The following R3HCC1L variants were observed in gnomAD, a reference collection of about 807,000 sequenced individuals.
R3HCC1L encodes coiled-coil domain-containing protein R3HCC1L.
A neutral mutation model predicts 59.9 loss-of-function variants in R3HCC1L; 51 were observed. That is an observed-to-expected ratio of 0.85 (90% CI 0.68 to 1.07). The LOEUF (loss-of-function observed/expected upper bound fraction) is 1.07, where lower values mean the gene tolerates loss of function less well. Ranked by LOEUF, R3HCC1L falls within the 50% of genes least tolerant of loss-of-function variation. The pLI is 0.00. For missense variants in R3HCC1L, 965 were observed against 933.0 expected (o/e 1.03, Z -0.45); for synonymous variants, 322 against 315.2 (o/e 1.02, Z -0.23).
chr10:98,244,365 G>C lies in R3HCC1L; in HGVS notation c.*207G>C, dbSNP rs1164564242. 11 of 478,210 alleles carry C rather than the reference G, an allele frequency of 2.3e-5. No individual in the cohort carries two copies. The highest frequency in any genetic ancestry group is 5.5e-4 in the Middle Eastern group (1 of 1,816). 29.6% of individuals were successfully genotyped at this position (478,210 alleles called of 1,614,324 possible). A position where few individuals can be genotyped will look rare whatever the true frequency, so the allele number is the denominator to read the frequency against. ...AGTTCTTTGGAATCACCCTACTGTGGTGGGCGTAGTAGGGAGCCATCAGCT... is the reference window on the plus strand; with the variant it reads ...AGTTCTTTGGAATCACCCTACTGTGCTGGGCGTAGTAGGGAGCCATCAGCT... On this transcript the variant is annotated 3_prime_UTR_variant, in exon 10 of 10. Coordinates refer to ENST00000298999, the MANE Select transcript of R3HCC1L (RefSeq NM_001351015.2).
chr10:98,157,194 G>A (rs1846965275), intron 2 of R3HCC1L, among the ~76,000 whole-genome samples: 2 of 152,232 alleles, frequency 1.3e-5, no homozygotes, highest in African/African-American at 4.8e-5. Context: ...TTTGTCCCCA[G>A]TGTTCTGAAG....
intron 9 of R3HCC1L, among the ~76,000 whole-genome samples, chr10:98,243,800 G>A (rs912898475): frequency 1.3e-5 from 2 of 152,184 alleles, no homozygotes; most frequent in African/African-American, 2.4e-5. Flanking sequence ...ATTTAAATAT[G>A]TATTAGCAAG....
chr10:98,163,951 A>G (rs1436755820), intron 4 of R3HCC1L, among the ~76,000 whole-genome samples: 2 of 152,154 alleles, frequency 1.3e-5, no homozygotes, highest in Non-Finnish European at 2.9e-5. Context: ...TTTTTTTTTC[A>G]AGGAAGATTT....
intron 5 of R3HCC1L, among the ~76,000 whole-genome samples, chr10:98,230,147 G>C (rs1460905426): frequency 1.3e-5 from 2 of 152,198 alleles, no homozygotes; most frequent in African/African-American, 4.8e-5. Context: ...AATAGTTTCA[G>C]AAGGAATGGT....
chr10:98,204,098 A>C (rs1020879574), intron 4 of R3HCC1L, among the ~76,000 whole-genome samples: 2 of 152,224 alleles, frequency 1.3e-5, no homozygotes, highest in African/African-American at 4.8e-5. Flanking sequence ...CGAAAAAGTT[A>C]AAACTGTGTT....
chr10:98,162,672 T>TTG (rs138697556), intron 2 of R3HCC1L, among the ~76,000 whole-genome samples: 9,076 of 148,070 alleles, frequency 0.061, 808 homozygotes, highest in African/African-American at 0.2. Flanking sequence ...GTGTGTGTGT[T>TTG]TGTGTGTGTG....
chr10:98,231,326 T>G (rs1856359347), intron 5 of R3HCC1L, among the ~76,000 whole-genome samples, 186 bp from the exon 6 acceptor site: 2 of 152,190 alleles, frequency 1.3e-5, no homozygotes, highest in African/African-American at 4.8e-5. Context: ...ATATGTATAG[T>G]ATAAACTGGG....
At chr10:98,221,629 A>G (rs1489708793) in intron 5 of R3HCC1L, among the ~76,000 whole-genome samples, 1 of 151,662 alleles carries the variant, frequency 6.6e-6, no homozygotes, top group Non-Finnish European at 1.5e-5. Context: ...CATTTATTAA[A>G]TAGGGAATCC....
chr10:98,231,532 C>CAG lies in R3HCC1L; in HGVS notation c.1813_1814dup (p.Ser605ArgfsTer66). On this transcript the variant is annotated frameshift_variant, in exon 6 of 10. Transcript: ENST00000298999. LOFTEE classifies it high-confidence loss of function. ...TCTAGTTATCAGGGAATACCAAGAGCAGAGAGAGCATCCAGGAACCTAGAT... is the reference window on the plus strand; with the variant it reads ...TCTAGTTATCAGGGAATACCAAGAGCAGAGAGAGAGCATCCAGGAACCTAGAT... 6.2e-7 allele frequency: 1 copy of CAG among 1,612,704 alleles called. No individual in the cohort carries two copies. The highest frequency in any genetic ancestry group is 8.5e-7 in the Non-Finnish European group (1 of 1,179,588).
intron 4 of R3HCC1L, among the ~76,000 whole-genome samples, chr10:98,194,391 G>A (rs924564644): frequency 6.6e-6 from 1 of 152,130 alleles, no homozygotes; most frequent in African/African-American, 2.4e-5. Context: ...GGAATTAGCA[G>A]TGGTTTCTTG....
intron 4 of R3HCC1L, among the ~76,000 whole-genome samples, chr10:98,197,951 G>A (rs1259177632): frequency 6.6e-6 from 1 of 152,090 alleles, no homozygotes; most frequent in African/African-American, 2.4e-5. Context: ...ATGTAGGATT[G>A]TATTTGTTAT....
chr10:98,151,056 C>T (rs1361021933), intron 1 of R3HCC1L, among the ~76,000 whole-genome samples: 3 of 152,128 alleles, frequency 2.0e-5, no homozygotes, highest in Non-Finnish European at 4.4e-5. Flanking sequence ...TTTTCCTTTC[C>T]TGCTTAGATT....
chr10:98,136,861 T>G (rs540977921), intron 1 of R3HCC1L, among the ~76,000 whole-genome samples: 23 of 152,288 alleles, frequency 1.5e-4, no homozygotes, highest in Middle Eastern at 3.4e-3. Context: ...TTGGATTGAA[T>G]TTTTACTAAG....
At chr10:98,200,426 A>G (rs1046983365) in intron 4 of R3HCC1L, among the ~76,000 whole-genome samples, 3 of 152,130 alleles carry the variant, frequency 2.0e-5, no homozygotes, top group African/African-American at 4.8e-5. Context: ...AAGGGATTCA[A>G]TGTCCATTTA....
intron 4 of R3HCC1L, among the ~76,000 whole-genome samples, chr10:98,177,443 G>A (rs769223584): frequency 6.6e-6 from 1 of 152,110 alleles, no homozygotes; most frequent in Admixed American, 6.5e-5. Flanking sequence ...ATGGACATTC[G>A]GGTTGGTTCC....
chr10:98,193,959 T>C (rs1315828736), intron 4 of R3HCC1L, among the ~76,000 whole-genome samples: 1 of 152,122 alleles, frequency 6.6e-6, no homozygotes, highest in Non-Finnish European at 1.5e-5. Flanking sequence ...CTTACAGCGT[T>C]TTTTGCAGAA....
chr10:98,208,002 G>C, intron 4 of R3HCC1L, 99 bp from the exon 5 acceptor site: 1 of 1,127,684 alleles, frequency 8.9e-7, no homozygotes, highest in Non-Finnish European at 1.2e-6. Flanking sequence ...TCTAGCCTGG[G>C]TGACAGTGTG....
At chr10:98,177,068 A>T (rs1849096428) in intron 4 of R3HCC1L, among the ~76,000 whole-genome samples, 3 of 152,102 alleles carry the variant, frequency 2.0e-5, no homozygotes, top group Non-Finnish European at 4.4e-5. Context: ...TCTAGGGTAC[A>T]TGTGCACAAT....
intron 4 of R3HCC1L, among the ~76,000 whole-genome samples, chr10:98,190,242 T>C (rs1228596368): frequency 1.3e-5 from 2 of 152,188 alleles, no homozygotes; most frequent in Non-Finnish European, 2.9e-5. Flanking sequence ...CATAGACCCA[T>C]GGATATGGAG....
Sources: gnomAD v4.1 joint callset for allele counts (sites outside exome capture counted in the v4.1 genomes callset) on GRCh38, gnomAD v4.1.1 for gene constraint, MANE v1.5 for transcripts, NCBI Gene and HGNC (gene_info 2026-07-23, HGNC 2026-07-21) for gene names.